KIF21B: variants seen among roughly 807,000 people sequenced by gnomAD.
KIF21B encodes the protein kinesin-like protein KIF21B.
KIF21B carries 85 observed loss-of-function variants against 192.9 expected under a neutral mutation model. The ratio of observed to expected loss-of-function variants is 0.44; its 90% CI spans 0.37 to 0.53. The LOEUF (loss-of-function observed/expected upper bound fraction) is 0.53. Among genes scored for constraint, KIF21B ranks in the 20% least tolerant of loss-of-function variants. The pLI is 0.00. For missense variants in KIF21B, 1,716 were observed against 2,194.8 expected, an observed-to-expected ratio of 0.78 and a Z score of 4.36; for synonymous variants, 832 against 884.6, an observed-to-expected ratio of 0.94 and a Z score of 1.05.
chr1:200,992,366 A>G lies in KIF21B; in HGVS notation c.2301T>C (p.Arg767=), dbSNP rs376805659. The change falls in exon 16 of 35, where the codon CGT becomes CGC. Residue 767 remains arginine, a synonymous_variant. Transcript: ENST00000461742. ...CTAGCCGCCGCCGCTGTTGCTCCTCACGCATCTGCTTCATCAGGGCCACCT... is the reference window on the plus strand; with the variant it reads ...CTAGCCGCCGCCGCTGTTGCTCCTCGCGCATCTGCTTCATCAGGGCCACCT... ...KAKVALMKQM[R]EEQQRRRLVE... is the part of the protein sequence containing the mutation. The G allele has an allele frequency of 1.4e-5, 22 of 1,613,008 alleles. No homozygotes were observed. Among genetic ancestry groups the G allele is most frequent in the Non-Finnish European group, 1.9e-5 (22 of 1,180,016 alleles).
chr1:200,977,160 G>A (rs1390854134), intron 31 of KIF21B, 52 bp downstream of exon 31: 2 of 1,568,452 alleles, frequency 1.3e-6, no homozygotes, highest in African/African-American at 1.3e-5. Context: ...AAGACCTGGG[G>A]ACCTTGCCTG....
intron 8 of KIF21B, 145 bp from the exon 9 acceptor site, chr1:201,002,495 T>A: frequency 1.5e-6 from 1 of 677,066 alleles, no homozygotes; most frequent in African/African-American, 1.8e-5. Context: ...CCAGGTTTCC[T>A]AAAACACAGC....
chr1:200,992,436 G>GGAGGGGCC (rs781653283), intron 15 of KIF21B, 47 bp from the exon 16 acceptor site: 1 of 1,590,738 alleles, frequency 6.3e-7, no homozygotes, highest in Non-Finnish European at 8.6e-7. Flanking sequence ...TGGGAGGCAG[G>GGAGGGGCC]TGGCCCACAC....
rs1283686142 is a variant in KIF21B at position 200,972,897 on chromosome 1, T to G, written c.*624A>C. On this transcript the variant is annotated 3_prime_UTR_variant, in exon 35 of 35. Transcript: ENST00000461742. Reference sequence around the variant, plus strand: ...TAAATAACTGAAGTATTTCTGACCATCTCCCCAAAGGAATCTTTCTAGCAG... The same window carrying G: ...TAAATAACTGAAGTATTTCTGACCAGCTCCCCAAAGGAATCTTTCTAGCAG... 3.3e-5 allele frequency: 5 copies of G among 152,716 alleles called. No homozygotes were observed. The highest frequency in any genetic ancestry group is 1.2e-4 in the African/African-American group (5 of 41,448). 9.5% of individuals were successfully genotyped at this position (152,716 alleles called of 1,614,324 possible).
At chr1:201,022,069 G>C (rs1658865093) in intron 1 of KIF21B, among the ~76,000 whole-genome samples, 1 of 152,190 alleles carries the variant, frequency 6.6e-6, no homozygotes, top group African/African-American at 2.4e-5. Context: ...AGGGTGCATG[G>C]GTGGGGGTGC....
intron 5 of KIF21B, 60 bp from the exon 6 acceptor site, chr1:201,004,993 T>A: frequency 6.4e-7 from 1 of 1,550,874 alleles, no homozygotes; most frequent in Non-Finnish European, 8.8e-7. Flanking sequence ...GCTCCCCTGA[T>A]CACAGTACTG....
In KIF21B at chr1:200,998,770, C is replaced by T. The variant is rs1196071609; in HGVS notation, c.1886-195G>A. Among the ~76,000 whole-genome samples, 1 of 152,098 alleles carries T rather than the reference C, an allele frequency of 6.6e-6. No individual in the cohort carries two copies. Among genetic ancestry groups the T allele is most frequent in the Non-Finnish European group, 1.5e-5 (1 of 68,026 alleles). ...GAGGAACACATTTAAAGAGCAGTTC[C>T]AGAAAGGCAAGGTAGGGCTCAGGAG... On this transcript the variant is annotated intron_variant, in intron 13 of 34. Transcript: ENST00000461742. This position sits in a 1 kb window ranked among gnomAD's most constrained non-coding sequence, Gnocchi z 4.3.
intron 1 of KIF21B, among the ~76,000 whole-genome samples, chr1:201,014,420 G>A (rs942631742): frequency 6.6e-6 from 1 of 152,216 alleles, no homozygotes; most frequent in Non-Finnish European, 1.5e-5. Flanking sequence ...AGGACAGGGC[G>A]GAAGGGGAGG....
Position 201,004,425 on chromosome 1 carries a change from C to A in KIF21B, c.931G>T (p.Gly311Trp). 1 of 1,579,652 alleles carries A rather than the reference C, an allele frequency of 6.3e-7. No individual in the cohort carries two copies. The highest frequency in any genetic ancestry group is 8.6e-7 in the Non-Finnish European group (1 of 1,161,952). Reference protein sequence around the residue: ...LALGNVISALGDQSKKVVHVP... With the variant: ...LALGNVISALWDQSKKVVHVP... Reference sequence around the variant, plus strand: ...TGCACCACCTTCTTGCTCTGGTCCCCTAAGGCGCTGATCACATTGCCCAAG... The same window carrying A: ...TGCACCACCTTCTTGCTCTGGTCCCATAAGGCGCTGATCACATTGCCCAAG... Residue 311 changes from glycine to tryptophan, a missense_variant, in exon 7 of 35, where the codon GGG becomes TGG. Gly to Trp is a radical substitution (Grantham distance 184, BLOSUM62 -2). Coordinates refer to ENST00000461742, the MANE Select transcript of KIF21B (RefSeq NM_001252102.2).
At chr1:200,974,966 C>T in intron 33 of KIF21B, 53 bp from the exon 34 acceptor site, 1 of 1,571,820 alleles carries the variant, frequency 6.4e-7, no homozygotes, top group South Asian at 1.1e-5. Context: ...AGGGAGAGAA[C>T]CTGCCCCAGG....
Position 200,970,867 on chromosome 1 carries a change from C to T in KIF21B, c.*2654G>A, listed in dbSNP as rs1160028858. 1 of 152,438 alleles carries T rather than the reference C, an allele frequency of 6.6e-6. No homozygotes were observed. The highest frequency in any genetic ancestry group is 2.4e-5 in the African/African-American group (1 of 41,456). The allele number at this position is 152,438 out of a possible 1,614,324, so 9.4% of individuals were successfully genotyped here. A position where few individuals can be genotyped will look rare whatever the true frequency, so the allele number is the denominator to read the frequency against. Reference sequence around the variant, plus strand: ...GGCCTGACAAGGCTCAGCCTCCAGTCTTAAGATGGGCACAGAAGGGCAAGA... The same window carrying T: ...GGCCTGACAAGGCTCAGCCTCCAGTTTTAAGATGGGCACAGAAGGGCAAGA... On this transcript the variant is annotated 3_prime_UTR_variant, in exon 35 of 35. Transcript: ENST00000461742.
Position 201,023,331 on chromosome 1 carries a change from C to CA in KIF21B, c.41+11_41+12insT, listed in dbSNP as rs1310974477. The CA allele has an allele frequency of 1.8e-5, 27 of 1,527,770 alleles. No individual in the cohort carries two copies. The highest frequency in any genetic ancestry group is 1.3e-5 in the Non-Finnish European group (15 of 1,139,688). The allele number at this position is 1,527,770 out of a possible 1,614,324, so 94.6% of individuals were successfully genotyped here. A position where few individuals can be genotyped will look rare whatever the true frequency, so the allele number is the denominator to read the frequency against. On this transcript the variant is annotated intron_variant, in intron 1 of 34. Transcript: ENST00000461742. This position sits in a 1 kb window ranked among gnomAD's most constrained non-coding sequence, Gnocchi z 5.9. ...TTCTCCGCGCGCCCCCTTCCCCGCC[C>CA]CGGGTCCCTACCTGACGGCCACCTT... is the stretch of plus-strand genomic sequence containing the variant.
intron 14 of KIF21B, among the ~76,000 whole-genome samples, chr1:200,997,850 CTTTCG>C (rs1394293839): frequency 2.6e-5 from 4 of 152,158 alleles, no homozygotes; most frequent in Admixed American, 2.0e-4. Flanking sequence ...AGTTTCTGCT[CTTTCG>C]TTTATGTTTG....
chr1:200,973,940 C>G (rs1571904089), intron 34 of KIF21B: 1 of 1,526,006 alleles, frequency 6.6e-7, no homozygotes, highest in Middle Eastern at 1.8e-4. Context: ...ACAGGCAGGG[C>G]ACCTCTCTAG....
At chr1:201,022,884 G>GGTGT (rs1658927450) in intron 1 of KIF21B, among the ~76,000 whole-genome samples, 4 of 152,212 alleles carry the variant, frequency 2.6e-5, no homozygotes. Context: ...CTGCAGATCT[G>GGTGT]GCTCCCAGGG....
chr1:200,990,630 G>T lies in KIF21B; in HGVS notation c.2781C>A (p.Val927=), dbSNP rs572130737. ...QSLERRIIDI[V]MQRMTIVNLE... ...GGTTGACAATGGTCATTCTCTGCAT[G>T]ACGATGTCAATGATCCGTCGCTCCA... is the stretch of plus-strand genomic sequence containing the variant. Residue 927 remains valine, a synonymous_variant, in exon 19 of 35, where the codon GTC becomes GTA. Coordinates refer to ENST00000461742, the MANE Select transcript of KIF21B (RefSeq NM_001252102.2). The surrounding 1 kb of genome is among the most constrained non-coding windows in gnomAD (Gnocchi z 5.4). The T allele has an allele frequency of 3.1e-6, 5 of 1,614,180 alleles. No homozygotes were observed. The highest frequency in any genetic ancestry group is 3.4e-6 in the Non-Finnish European group (4 of 1,180,030).
At position 201,008,764 on chromosome 1, in the gene KIF21B, A is replaced by G; in HGVS notation, c.447+5T>C. The G allele has an allele frequency of 2.5e-6, 4 of 1,591,314 alleles. No individual in the cohort carries two copies. The highest frequency in any genetic ancestry group is 3.4e-6 in the Non-Finnish European group (4 of 1,174,586). ...CCACCTGCCCACCCTATGGGGCCAC[A>G]GTACCTCCAGAAACTGGGCGCTGAC... On this transcript the variant is annotated splice_donor_5th_base_variant and intron_variant, in intron 3 of 34. Transcript: ENST00000461742.
At chr1:200,976,456 A>G (rs1655553628) in intron 32 of KIF21B, among the ~76,000 whole-genome samples, 1 of 152,178 alleles carries the variant, frequency 6.6e-6, no homozygotes, top group Non-Finnish European at 1.5e-5. Context: ...GAGCAAACAA[A>G]TTAGTGTTTG....
rs773434079 is a variant in KIF21B, at chr1:201,008,812, C to T, written c.404G>A (p.Gly135Asp). 6.2e-7 allele frequency: 1 copy of T among 1,605,872 alleles called. No individual in the cohort carries two copies. Among genetic ancestry groups the T allele is most frequent in the East Asian group, 2.2e-5 (1 of 44,884 alleles). ...GACTTTGAACTCAGGTCCAGCCACGCCCTGCTCCTGTGCCCGGCGCTTGCG... is the reference window on the plus strand; with the variant it reads ...GACTTTGAACTCAGGTCCAGCCACGTCCTGCTCCTGTGCCCGGCGCTTGCG... ...AERKRRAQEQ[G>D]VAGPEFKVSA... is the part of the protein sequence containing the mutation. Residue 135 changes from glycine (G) to aspartate (D), a missense_variant, in exon 3 of 35, where the codon GGC becomes GAC. Transcript: ENST00000461742.
Sources: gnomAD v4.1 joint callset for allele counts (sites outside exome capture counted in the v4.1 genomes callset) on GRCh38, gnomAD v4.1.1 for gene constraint, Gnocchi (gnomAD v3.1) non-coding constraint, MANE v1.5 for transcripts, NCBI Gene and HGNC (gene_info 2026-07-23, HGNC 2026-07-21) for gene names.